MSN: variants seen among roughly 807,000 people sequenced by gnomAD.
The protein encoded by MSN is epididymis luminal protein 70.
A neutral mutation model predicts 48.0 loss-of-function variants in MSN; 2 were observed. The observed-to-expected ratio is 0.04, with a 90% confidence interval of 0.02 to 0.13. The LOEUF (loss-of-function observed/expected upper bound fraction) is 0.13, where lower values mean the gene tolerates loss of function less well. Among genes scored for constraint, MSN ranks in the 10% least tolerant of loss-of-function variants. The pLI is 1.00. For missense variants in MSN, 267 were observed against 470.1 expected, an observed-to-expected ratio of 0.57 and a Z score of 3.99; for synonymous variants, 146 against 166.9, an observed-to-expected ratio of 0.87 and a Z score of 0.97.
chrX:65,611,301 A>G (rs1388183143), intron 1 of MSN, among the ~76,000 whole-genome samples: 2 of 110,006 alleles, frequency 1.8e-5, no homozygotes, highest in African/African-American at 3.3e-5. Context: ...CTGCGATTAC[A>G]GGTGTGTGCC....
At chrX:65,622,505 T>A (rs2070458004) in intron 1 of MSN, among the ~76,000 whole-genome samples, 1 of 95,294 alleles carries the variant, frequency 1.0e-5, no homozygotes, top group Admixed American at 1.1e-4. Context: ...AAGCTAGGCA[T>A]CTTTGTTTTT....
At chrX:65,681,115 T>C (rs1235086783) in intron 1 of MSN, among the ~76,000 whole-genome samples, 1 of 111,038 alleles carries the variant, frequency 9.0e-6, no homozygotes, top group Non-Finnish European at 1.9e-5. Flanking sequence ...GCCTATGTTC[T>C]TTCCTTCAGC....
chrX:65,655,430 G>T (rs1389202726), intron 1 of MSN, among the ~76,000 whole-genome samples: 1 of 111,915 alleles, frequency 8.9e-6, no homozygotes, highest in African/African-American at 3.2e-5. Flanking sequence ...TTTTATTTGA[G>T]GGCTTCTTAC....
rs763869268 is a variant in MSN at position 65,731,145 on chromosome X, A to G, written c.506A>G (p.Glu169Gly). 2 of 1,208,312 alleles carry G rather than the reference A, an allele frequency of 1.7e-6. No homozygotes were observed. The highest frequency in any genetic ancestry group is 2.2e-6 in the Non-Finnish European group (2 of 893,890). ...EQHKLNKDQW[E>G]ERIQVWHEEH... ...CACAAACTCAACAAGGACCAGTGGGAGGAGCGGATCCAGGTGTGGCATGAG... is the reference window on the plus strand; with the variant it reads ...CACAAACTCAACAAGGACCAGTGGGGGGAGCGGATCCAGGTGTGGCATGAG... Residue 169 changes from glutamate (E) to glycine (G), a missense_variant, in exon 5 of 13, where the codon GAG (glutamate) becomes GGG (glycine). Glu to Gly is a moderately conservative substitution (Grantham distance 98). This residue lies in a region of MSN where 89 missense variants were observed against 151.0 expected (regional missense o/e 0.59). Coordinates refer to ENST00000360270, the MANE Select transcript of MSN (RefSeq NM_002444.3).
chrX:65,665,235 G>T (rs2070858120), upstream of MSN, among the ~76,000 whole-genome samples: 1 of 111,712 alleles, frequency 9.0e-6, no homozygotes, highest in African/African-American at 3.3e-5. Flanking sequence ...TTCATGCCAG[G>T]TCCCTGTAGG....
chrX:65,606,636 G>C (rs988455762), intron 1 of MSN, among the ~76,000 whole-genome samples: 1 of 111,927 alleles, frequency 8.9e-6, no homozygotes, highest in African/African-American at 3.2e-5. Flanking sequence ...GGCCAGGCTA[G>C]TTTCAAACTC....
intron 1 of MSN, among the ~76,000 whole-genome samples, chrX:65,671,317 A>G (rs947774534): frequency 9.0e-6 from 1 of 110,646 alleles, no homozygotes; most frequent in Non-Finnish European, 1.9e-5. Context: ...CCATAGATCA[A>G]CAGATCAGGG....
intron 1 of MSN, among the ~76,000 whole-genome samples, chrX:65,670,161 C>T (rs923211057): frequency 6.3e-5 from 7 of 111,801 alleles, no homozygotes; most frequent in Non-Finnish European, 1.3e-4. Context: ...TTTTCTTATT[C>T]CTCATACCAA....
intron 1 of MSN, among the ~76,000 whole-genome samples, chrX:65,674,685 T>G (rs191886793): frequency 1.1e-3 from 128 of 112,084 alleles, no homozygotes; most frequent in South Asian, 9.6e-3. Flanking sequence ...TGACAGTATT[T>G]GCTGCTGTAG....
rs369612541 is a variant in MSN, at chrX:65,731,094, A to T, written c.468-13A>T. 8.4e-7 allele frequency: 1 copy of T among 1,190,918 alleles called. No homozygotes were observed. Among genetic ancestry groups the T allele is most frequent in the Non-Finnish European group, 1.1e-6 (1 of 883,231 alleles). On this transcript the variant is annotated splice_polypyrimidine_tract_variant and intron_variant, in intron 4 of 12. Transcript: ENST00000360270. ...TTGTGCTTTAAACTACTCATCACCC[A>T]TTGTCTTTCCAGAGTCCTGGAACAG... is the stretch of plus-strand genomic sequence containing the variant.
chrX:65,739,636 G>A (rs2071715597), intron 12 of MSN, 93 bp from the exon 13 acceptor site: 1 of 974,848 alleles, frequency 1.0e-6, no homozygotes, highest in African/African-American at 2.0e-5. Flanking sequence ...GAGGAAGAAA[G>A]AAGGAAACAG....
intron 2 of MSN, among the ~76,000 whole-genome samples, chrX:65,719,467 G>A (rs1216443193): frequency 8.9e-6 from 1 of 111,928 alleles, no homozygotes; most frequent in Non-Finnish European, 1.9e-5. Context: ...ACCTGAGTAT[G>A]ATCAGCTGCT....
intron 1 of MSN, among the ~76,000 whole-genome samples, chrX:65,620,683 C>G (rs2070433211): frequency 8.9e-6 from 1 of 112,134 alleles, no homozygotes; most frequent in Admixed American, 9.5e-5. Flanking sequence ...GTCGCTTACT[C>G]TGGGAGCTGT....
intron 1 of MSN, among the ~76,000 whole-genome samples, chrX:65,621,520 A>G (rs1483911738): frequency 8.9e-6 from 1 of 111,795 alleles, no homozygotes; most frequent in African/African-American, 3.3e-5. Context: ...CCTTCATAGT[A>G]ATTTTAGAGA....
At chrX:65,701,971 C>T (rs1166162940) in intron 1 of MSN, among the ~76,000 whole-genome samples, 1 of 108,058 alleles carries the variant, frequency 9.3e-6, no homozygotes, top group Non-Finnish European at 1.9e-5. Context: ...TCCTTGCATC[C>T]TTGATCTTTT....
At chrX:65,736,951 T>C (rs766849643) in intron 9 of MSN, 26 bp downstream of exon 9, 41 of 1,205,373 alleles carry the variant, frequency 3.4e-5, no homozygotes, top group South Asian at 7.1e-5. Flanking sequence ...ACCTTGGAGA[T>C]TGGATTTTTC....
chrX:65,667,717 C>G lies in MSN; in HGVS notation c.-125C>G. 2.6e-6 allele frequency: 3 copies of G among 1,133,528 alleles called. No homozygotes were observed. Among genetic ancestry groups the G allele is most frequent in the Non-Finnish European group, 3.5e-6 (3 of 850,711 alleles). The allele number at this position is 1,133,528 out of a possible 1,213,427, so 93.4% of individuals were successfully genotyped here. On this transcript the variant is annotated 5_prime_UTR_variant, in exon 1 of 13. Coordinates refer to ENST00000360270, the MANE Select transcript of MSN (RefSeq NM_002444.3). ...TTAGCAGGAAGCCTAACAGTCGCCCCGACGCTAGTGAGGGACCCAATCTGA... is the reference window on the plus strand; with the variant it reads ...TTAGCAGGAAGCCTAACAGTCGCCCGGACGCTAGTGAGGGACCCAATCTGA...
At chrX:65,643,689 AGTTAGATGTAATCTAGTTT>A (rs932057249) in intron 1 of MSN, among the ~76,000 whole-genome samples, 15 of 111,798 alleles carry the variant, frequency 1.3e-4, no homozygotes, top group African/African-American at 4.9e-4. Flanking sequence ...AGAGAAGCCT[AGTTAGATGTAATCTAGTTT>A]GAGGGAGAAG....
At chrX:65,637,803 C>T (rs1204109922) in intron 1 of MSN, among the ~76,000 whole-genome samples, 1 of 111,462 alleles carries the variant, frequency 9.0e-6, no homozygotes, top group Non-Finnish European at 1.9e-5. Flanking sequence ...TCTAGGATTA[C>T]AGGTGTGAAC....
Sources: allele counts gnomAD v4.1 joint callset (sites outside exome capture counted in the v4.1 genomes callset), GRCh38; gene constraint gnomAD v4.1.1; regional missense constraint gnomAD v4.1.1; transcripts MANE v1.5; gene names NCBI Gene and HGNC (gene_info 2026-07-23, HGNC 2026-07-21).